ATP8A2: variants seen among roughly 807,000 people sequenced by gnomAD.
The protein encoded by ATP8A2 is phospholipid-transporting ATPase IB.
Under a neutral mutation model 165.6 loss-of-function variants are expected in ATP8A2, and 100 were observed. The observed-to-expected ratio is 0.60, with a 90% CI of 0.51 to 0.71. ATP8A2 has a LOEUF of 0.71. Ranked by LOEUF, ATP8A2 falls within the 30% of genes least tolerant of loss-of-function variation. The pLI is 0.00. For missense variants in ATP8A2, 1,227 were observed against 1,479.5 expected (o/e 0.83, Z 2.80); for synonymous variants, 543 against 548.8 (o/e 0.99, Z 0.15).
intron 1 of ATP8A2, among the ~76,000 whole-genome samples, chr13:25,386,206 T>A (rs1040651819): frequency 1.3e-5 from 2 of 151,318 alleles, no homozygotes; most frequent in Admixed American, 6.6e-5. Context: ...GTGAGCCACC[T>A]CTCCTGGCCG....
intron 24 of ATP8A2, among the ~76,000 whole-genome samples, chr13:25,673,130 A>G (rs11843468): frequency 0.035 from 5,321 of 152,166 alleles, 156 homozygotes; most frequent in East Asian, 0.13. Context: ...TCTCCATTCA[A>G]CCCTGCCTCT....
At chr13:25,797,488 T>A (rs1950520382) in intron 27 of ATP8A2, among the ~76,000 whole-genome samples, 1 of 152,132 alleles carries the variant, frequency 6.6e-6, no homozygotes, top group Non-Finnish European at 1.5e-5. Flanking sequence ...ATTTTGGTAA[T>A]TGGTTATAGT....
At chr13:25,662,683 G>A (rs1166407946) in intron 24 of ATP8A2, among the ~76,000 whole-genome samples, 3 of 152,150 alleles carry the variant, frequency 2.0e-5, no homozygotes, top group Admixed American at 1.3e-4. Context: ...AATCCAATCT[G>A]GGGGTGAGAA....
At chr13:25,649,399 T>G (rs2041757574) in intron 24 of ATP8A2, among the ~76,000 whole-genome samples, 3 of 152,272 alleles carry the variant, frequency 2.0e-5, no homozygotes, top group Non-Finnish European at 4.4e-5. Flanking sequence ...ATTTGAGTTC[T>G]GCAGTTGGCC....
chr13:25,838,775 G>A (rs1951686810), intron 29 of ATP8A2, among the ~76,000 whole-genome samples: 1 of 152,098 alleles, frequency 6.6e-6, no homozygotes, highest in African/African-American at 2.4e-5. Flanking sequence ...GAGGGGGGCA[G>A]CCAAGATGGC....
At chr13:25,576,197 G>A (rs1482351261) in intron 19 of ATP8A2, among the ~76,000 whole-genome samples, 1 of 152,200 alleles carries the variant, frequency 6.6e-6, no homozygotes, top group Non-Finnish European at 1.5e-5. Flanking sequence ...AGGTTAGGAT[G>A]TGGGAATTTA....
intron 2 of ATP8A2, among the ~76,000 whole-genome samples, chr13:25,519,121 A>T (rs1012722712): frequency 6.6e-6 from 1 of 152,082 alleles, no homozygotes; most frequent in Non-Finnish European, 1.5e-5. Flanking sequence ...GAGCTCTCCC[A>T]CCTTGGCGTT....
At chr13:25,641,060 C>T (rs2041507510) in intron 24 of ATP8A2, among the ~76,000 whole-genome samples, 1 of 152,180 alleles carries the variant, frequency 6.6e-6, no homozygotes, top group Non-Finnish European at 1.5e-5. Flanking sequence ...AACAGCCCTT[C>T]TTGCTAACAA....
At chr13:25,380,103 A>G (rs1237481704) in intron 1 of ATP8A2, among the ~76,000 whole-genome samples, 1 of 152,160 alleles carries the variant, frequency 6.6e-6, no homozygotes, top group Non-Finnish European at 1.5e-5. Context: ...GTAATACTCC[A>G]GGTGTAAAAT....
At chr13:25,685,184 C>G (rs988466778) in intron 24 of ATP8A2, among the ~76,000 whole-genome samples, 1 of 152,168 alleles carries the variant, frequency 6.6e-6, no homozygotes, top group African/African-American at 2.4e-5. Flanking sequence ...GCCCAGGCCT[C>G]ACACTCAGTT....
intron 24 of ATP8A2, among the ~76,000 whole-genome samples, chr13:25,633,613 T>C (rs1233425048): frequency 2.0e-5 from 3 of 152,230 alleles, no homozygotes; most frequent in Non-Finnish European, 4.4e-5. Context: ...ATTTTGTCTT[T>C]GGCTAAGTCT....
intron 33 of ATP8A2, among the ~76,000 whole-genome samples, chr13:25,878,742 C>T (rs1952888523): frequency 6.6e-6 from 1 of 152,122 alleles, no homozygotes; most frequent in African/African-American, 2.4e-5. Context: ...CCTCTGACAA[C>T]CAGTACCTCA....
chr13:25,530,533 C>A (rs1477428295), intron 3 of ATP8A2, 29 bp from the exon 4 acceptor site: 3 of 1,357,588 alleles, frequency 2.2e-6, no homozygotes, highest in Non-Finnish European at 3.1e-6. Flanking sequence ...AATGTGCCAA[C>A]TTCCTACTTG....
At chr13:25,940,502 CA>C (rs2139105654) in intron 33 of ATP8A2, among the ~76,000 whole-genome samples, 1 of 152,330 alleles carries the variant, frequency 6.6e-6, no homozygotes, top group South Asian at 2.1e-4. Flanking sequence ...GCCTTTCCTC[CA>C]CACTGACTCA....
intron 33 of ATP8A2, among the ~76,000 whole-genome samples, chr13:25,938,172 TAAA>T (rs759243830): frequency 1.5e-5 from 2 of 133,964 alleles, no homozygotes; most frequent in Admixed American, 7.6e-5. Context: ...GTGACCTGGT[TAAA>T]AAAAAAAAAA....
chr13:26,003,618 C>G (rs760532048), intron 35 of ATP8A2, among the ~76,000 whole-genome samples: 1 of 151,992 alleles, frequency 6.6e-6, no homozygotes, highest in Non-Finnish European at 1.5e-5. Context: ...TGTCATAGAC[C>G]TTTCCCCTAT....
intron 8 of ATP8A2, among the ~76,000 whole-genome samples, chr13:25,541,171 G>A: frequency 6.6e-6 from 1 of 152,072 alleles, no homozygotes; most frequent in Non-Finnish European, 1.5e-5. Context: ...GGCCAAGAAT[G>A]AAGAATGGTC....
intron 1 of ATP8A2, among the ~76,000 whole-genome samples, chr13:25,465,140 A>G (rs1289743463): frequency 4.6e-5 from 7 of 152,212 alleles, no homozygotes; most frequent in Admixed American, 4.6e-4. Context: ...GTATTTGCAA[A>G]ATGCATTAAC....
chr13:25,896,935 G>A (rs532219285), intron 33 of ATP8A2, among the ~76,000 whole-genome samples: 31 of 152,226 alleles, frequency 2.0e-4, no homozygotes, highest in African/African-American at 6.0e-4. Context: ...GTCTCTGCAC[G>A]TGAGATGGGT....
Sources: allele counts gnomAD v4.1 joint callset (sites outside exome capture counted in the v4.1 genomes callset), GRCh38; gene constraint gnomAD v4.1.1; transcripts MANE v1.5; gene names NCBI Gene and HGNC (gene_info 2026-07-23, HGNC 2026-07-21).